The following CSMD1 variants were observed in gnomAD, a reference collection of about 807,000 sequenced individuals.
The protein encoded by CSMD1 is CUB and Sushi multiple domains 1.
CSMD1 carries 213 observed loss-of-function variants against 417.5 expected under a neutral mutation model. The observed-to-expected ratio is 0.51, with a 90% CI of 0.46 to 0.57. The LOEUF (loss-of-function observed/expected upper bound fraction) is 0.57. Among genes scored for constraint, CSMD1 ranks in the 20% least tolerant of loss-of-function variants. The probability of loss-of-function intolerance (pLI) is 0.00; values close to 1 mark genes in which losing one functional copy is unlikely to be tolerated. For missense variants in CSMD1, 6,923 were observed against 4,529.7 expected, an observed-to-expected ratio of 1.53 and a Z score of -15.17; for synonymous variants, 2,862 against 1,736.8, an observed-to-expected ratio of 1.65 and a Z score of -16.11.
chr8:3,510,875 G>C (rs192313358), intron 10 of CSMD1, among the ~76,000 whole-genome samples: 271 of 151,718 alleles, frequency 1.8e-3, no homozygotes, highest in Non-Finnish European at 3.0e-3. Flanking sequence ...TTGTAAATTT[G>C]TTTAAGTTCC....
At chr8:3,931,823 G>A (rs1346313583) in intron 5 of CSMD1, among the ~76,000 whole-genome samples, 4 of 147,774 alleles carry the variant, frequency 2.7e-5, no homozygotes, top group African/African-American at 1.0e-4. Flanking sequence ...TCCTATTCAA[G>A]CAGAGGACTG....
At chr8:4,505,805 TA>T (rs1296180376) in intron 2 of CSMD1, among the ~76,000 whole-genome samples, 1 of 151,222 alleles carries the variant, frequency 6.6e-6, no homozygotes, top group East Asian at 2.0e-4. Flanking sequence ...TCATGTTCAA[TA>T]TTTTTTTTTT....
At chr8:3,907,725 T>G (rs1440274700) in intron 5 of CSMD1, among the ~76,000 whole-genome samples, 1 of 152,176 alleles carries the variant, frequency 6.6e-6, no homozygotes, top group Non-Finnish European at 1.5e-5. Flanking sequence ...TGAGAAGTGT[T>G]ATGTGAGTAA....
chr8:3,677,230 A>C (rs1182645848), intron 7 of CSMD1, among the ~76,000 whole-genome samples: 1 of 152,222 alleles, frequency 6.6e-6, no homozygotes, highest in African/African-American at 2.4e-5. Flanking sequence ...AACACCGCTT[A>C]AAAGTCCAAG....
intron 2 of CSMD1, among the ~76,000 whole-genome samples, chr8:4,460,705 G>A (rs1255317973): frequency 6.6e-6 from 1 of 152,028 alleles, no homozygotes; most frequent in Admixed American, 6.6e-5. Context: ...CAACAAACTG[G>A]ATGACTACAA....
intron 1 of CSMD1, among the ~76,000 whole-genome samples, chr8:4,856,691 G>A (rs1317209266): frequency 2.7e-5 from 4 of 148,564 alleles, no homozygotes; most frequent in Non-Finnish European, 1.5e-5. Flanking sequence ...AATGCTAAAG[G>A]GATCAATTCA....
chr8:3,503,983 T>A (rs73501566), intron 10 of CSMD1, among the ~76,000 whole-genome samples: 1 of 152,098 alleles, frequency 6.6e-6, no homozygotes, highest in Admixed American at 6.6e-5. Flanking sequence ...TTTTGGGGTA[T>A]GAAAGTCCAG....
chr8:4,616,694 G>A (rs370621482), intron 2 of CSMD1, among the ~76,000 whole-genome samples: 139 of 152,232 alleles, frequency 9.1e-4, no homozygotes, highest in African/African-American at 3.2e-3. Context: ...AAAGCATCTT[G>A]ACTCATTTGT....
intron 3 of CSMD1, among the ~76,000 whole-genome samples, chr8:4,076,269 G>C (rs1380308243): frequency 6.6e-6 from 1 of 152,174 alleles, no homozygotes; most frequent in Non-Finnish European, 1.5e-5. Context: ...ATGTGAAGAA[G>C]AATATGTTTG....
At chr8:4,787,146 C>T (rs721302) in intron 1 of CSMD1, among the ~76,000 whole-genome samples, 58,423 of 152,074 alleles carry the variant, frequency 0.38, 12,167 homozygotes, top group Admixed American at 0.47. Flanking sequence ...TCCGCCTATA[C>T]CCCTCCGGGT....
intron 17 of CSMD1, among the ~76,000 whole-genome samples, chr8:3,387,940 T>G (rs1184199424): frequency 2.0e-5 from 3 of 152,202 alleles, no homozygotes; most frequent in Admixed American, 6.5e-5. Context: ...ATTAATTAAC[T>G]TCTCTGAATT....
At chr8:4,465,659 G>A (rs546465713) in intron 2 of CSMD1, among the ~76,000 whole-genome samples, 5 of 152,226 alleles carry the variant, frequency 3.3e-5, no homozygotes, top group South Asian at 2.1e-4. Context: ...CCCAAGTACT[G>A]GAGAGATGAA....
At chr8:4,755,313 A>C (rs1321872080) in intron 1 of CSMD1, among the ~76,000 whole-genome samples, 2 of 152,150 alleles carry the variant, frequency 1.3e-5, no homozygotes, top group Admixed American at 1.3e-4. Context: ...AGCACTTGAC[A>C]ATCTTATGTT....
intron 2 of CSMD1, among the ~76,000 whole-genome samples, chr8:4,452,213 G>C (rs1031401423): frequency 2.0e-5 from 3 of 152,006 alleles, no homozygotes; most frequent in East Asian, 1.9e-4. Flanking sequence ...TTATCAGTTT[G>C]ACTGCCTGAG....
chr8:3,915,669 A>G (rs1808768425), intron 5 of CSMD1, among the ~76,000 whole-genome samples: 1 of 151,492 alleles, frequency 6.6e-6, no homozygotes, highest in Non-Finnish European at 1.5e-5. Flanking sequence ...CATAACTGAT[A>G]TTACTAATAA....
intron 41 of CSMD1, among the ~76,000 whole-genome samples, chr8:3,126,973 G>A (rs185039070): frequency 5.2e-4 from 79 of 152,274 alleles, no homozygotes; most frequent in African/African-American, 1.8e-3. Flanking sequence ...TCAGCTTTTG[G>A]TTCAGAGGAA....
chr8:4,713,905 G>C (rs1012169592), intron 1 of CSMD1, among the ~76,000 whole-genome samples: 2 of 152,164 alleles, frequency 1.3e-5, no homozygotes, highest in South Asian at 2.1e-4. Flanking sequence ...GGCTTGTGGG[G>C]AGGCCGAGGA....
intron 1 of CSMD1, among the ~76,000 whole-genome samples, chr8:4,784,777 C>G (rs1012833769): frequency 6.6e-6 from 1 of 152,172 alleles, no homozygotes; most frequent in African/African-American, 2.4e-5. Flanking sequence ...ACAATTCTCT[C>G]TTCATATAAC....
chr8:4,557,839 C>T (rs535657835), intron 2 of CSMD1, among the ~76,000 whole-genome samples: 43 of 152,286 alleles, frequency 2.8e-4, no homozygotes, highest in Non-Finnish European at 4.9e-4. Flanking sequence ...CATAGCTCTA[C>T]ATCAGAGTCA....
Sources: gnomAD v4.1 joint callset for allele counts (sites outside exome capture counted in the v4.1 genomes callset) on GRCh38, gnomAD v4.1.1 for gene constraint, MANE v1.5 for transcripts, NCBI Gene and HGNC (gene_info 2026-07-23, HGNC 2026-07-21) for gene names.